TMBIM4: variants seen among roughly 807,000 people sequenced by gnomAD.
The protein encoded by TMBIM4 is protein lifeguard 4.
In TMBIM4, 28 loss-of-function variants were observed where a neutral mutation model predicts 27.7. That is an observed-to-expected ratio of 1.01 (90% CI 0.75 to 1.38). TMBIM4 has a LOEUF of 1.38. TMBIM4 is among the 40% of genes most tolerant of loss of function. The probability of loss-of-function intolerance (pLI) is 0.00; values close to 1 mark genes in which losing one functional copy is unlikely to be tolerated. For missense variants in TMBIM4, 265 were observed against 277.5 expected (o/e 0.95, Z 0.32); for synonymous variants, 115 against 113.1 (o/e 1.02, Z -0.11).
chr12:66,163,395 T>C (rs1005027602), intron 1 of TMBIM4, among the ~76,000 whole-genome samples: 4 of 152,072 alleles, frequency 2.6e-5, no homozygotes, highest in African/African-American at 9.7e-5. Flanking sequence ...GACTGGGTAA[T>C]TTATAAAGGA....
At position 66,169,947 on chromosome 12, in the gene TMBIM4, G is replaced by A. The variant is rs11176070; in HGVS notation, c.5C>T (p.Ala2Val). 1 of 1,496,882 alleles carries A rather than the reference G, an allele frequency of 6.7e-7. No individual in the cohort carries two copies. The highest frequency in any genetic ancestry group is 8.9e-7 in the Non-Finnish European group (1 of 1,124,916). The allele number at this position is 1,496,882 out of a possible 1,614,324, so 92.7% of individuals were successfully genotyped here. A position where few individuals can be genotyped will look rare whatever the true frequency, so the allele number is the denominator to read the frequency against. ...GCGAGGGTACCGGGGGTCGGGGTCA[G>A]CCATGATGGCAACAGCACCCCTACC... Reference protein sequence around the residue: MADPDPRYPRSS... With the variant: MVDPDPRYPRSS... The change falls in exon 1 of 7, where the codon GCT (alanine) becomes GTT (valine). Residue 2 changes from alanine to valine, a missense_variant. Coordinates refer to ENST00000358230, the MANE Select transcript of TMBIM4 (RefSeq NM_016056.4).
chr12:66,160,883 C>T (rs1317154237), intron 1 of TMBIM4, among the ~76,000 whole-genome samples: 4 of 145,782 alleles, frequency 2.7e-5, no homozygotes, highest in Admixed American at 2.1e-4. Flanking sequence ...GGGCGGCGGG[C>T]GGGCAGAGGT....
At chr12:66,160,677 C>T (rs998471127) in intron 1 of TMBIM4, among the ~76,000 whole-genome samples, 2 of 152,192 alleles carry the variant, frequency 1.3e-5, no homozygotes, top group African/African-American at 4.8e-5. Context: ...AAAAAGTAAA[C>T]TTTAATGTCG....
At position 66,157,818 on chromosome 12, in the gene TMBIM4, T is replaced by C. The variant is rs149703784; in HGVS notation, c.98-4370A>G. On this transcript the variant is annotated intron_variant, in intron 1 of 6. Transcript: ENST00000358230. ...CTATGGTAACATCAAAAGTAGAAAA[T>C]GTGCTTAATGAAGTAGGTGAACAAA... 9.5e-4 allele frequency among the ~76,000 whole-genome samples: 145 copies of C among 152,102 alleles called. No individual in the cohort carries two copies. In the Middle Eastern group the frequency reaches 0.014, roughly 14 times the overall value.
chr12:66,137,410 T>G lies in TMBIM4; in HGVS notation c.*550A>C, dbSNP rs904510237. The stretch of plus-strand genomic sequence containing the variant: ...TTTAGGAAGAAAAATTTTTTTTTTT[T>G]TTTTGAGACTGAGTCTCGCTCTGTC... On this transcript the variant is annotated 3_prime_UTR_variant, in exon 7 of 7. Transcript: ENST00000358230. 3 of 152,146 alleles carry G rather than the reference T, an allele frequency of 2.0e-5. No homozygotes were observed. The highest frequency in any genetic ancestry group is 7.2e-5 in the African/African-American group (3 of 41,416). 9.4% of individuals were successfully genotyped at this position (152,146 alleles called of 1,614,324 possible).
intron 3 of TMBIM4, among the ~76,000 whole-genome samples, chr12:66,149,307 G>A (rs1244208529): frequency 6.6e-6 from 1 of 151,820 alleles, no homozygotes; most frequent in East Asian, 1.9e-4. Flanking sequence ...GCCAAGGATG[G>A]TGACATGCGC....
chr12:66,169,458 G>T, intron 1 of TMBIM4: 1 of 509,108 alleles, frequency 2.0e-6, no homozygotes, highest in South Asian at 2.8e-5. Flanking sequence ...TCAGGCCGTG[G>T]ATTCCACTCG....
chr12:66,160,045 G>A, intron 1 of TMBIM4: 1 of 564,984 alleles, frequency 1.8e-6, no homozygotes, highest in Non-Finnish European at 3.2e-6. Context: ...TGTAACTGAA[G>A]TTTTATTGGG....
rs377178099 is a variant in TMBIM4 at position 66,157,828 on chromosome 12, GA to G, written c.98-4381del. Among the ~76,000 whole-genome samples the G allele has an allele frequency of 6.8e-3, 1,034 of 152,332 alleles. 8 individuals carry two copies. The highest frequency in any genetic ancestry group is 0.024 in the African/African-American group (984 of 41,580). The stretch of plus-strand genomic sequence containing the variant: ...ATCAAAAGTAGAAAATGTGCTTAAT[GA>G]AGTAGGTGAACAAACTAAGGAGACT... On this transcript the variant is annotated intron_variant, in intron 1 of 6. Transcript: ENST00000358230.
chr12:66,148,080 C>A, intron 3 of TMBIM4, 139 bp from the exon 4 acceptor site: 1 of 633,266 alleles, frequency 1.6e-6, no homozygotes, highest in Non-Finnish European at 2.7e-6. Context: ...GTATATGGGG[C>A]AGTTAGTAAA....
intron 1 of TMBIM4, among the ~76,000 whole-genome samples, chr12:66,159,503 C>G (rs1333643758): frequency 6.6e-6 from 1 of 152,072 alleles, no homozygotes; most frequent in Non-Finnish European, 1.5e-5. Context: ...CATGAGAGAC[C>G]CTGAGTCAGA....
intron 1 of TMBIM4, among the ~76,000 whole-genome samples, chr12:66,167,233 C>T (rs76419853): frequency 2.0e-5 from 3 of 152,130 alleles, no homozygotes; most frequent in African/African-American, 4.8e-5. Context: ...ACACTAAGAG[C>T]GAACCTTAAC....
chr12:66,145,155 T>C (rs151306917), intron 5 of TMBIM4, among the ~76,000 whole-genome samples: 6 of 152,290 alleles, frequency 3.9e-5, no homozygotes, highest in African/African-American at 1.4e-4. Flanking sequence ...AACTATATTT[T>C]ATCTCAATAG....
At chr12:66,168,290 G>GA (rs1418793007) in intron 1 of TMBIM4, among the ~76,000 whole-genome samples, 1 of 151,218 alleles carries the variant, frequency 6.6e-6, no homozygotes, top group East Asian at 1.9e-4. Context: ...TATGCTAATT[G>GA]AAAAAAGCCA....
chr12:66,140,954 T>C (rs1363908682), intron 5 of TMBIM4, among the ~76,000 whole-genome samples: 1 of 151,970 alleles, frequency 6.6e-6, no homozygotes, highest in Admixed American at 6.6e-5. Flanking sequence ...AGAAACTACA[T>C]AAGTCAGAGG....
At chr12:66,160,000 G>C (rs1436695528) in intron 1 of TMBIM4, among the ~76,000 whole-genome samples, 4 of 152,262 alleles carry the variant, frequency 2.6e-5, no homozygotes, top group Non-Finnish European at 5.9e-5. Context: ...AGCAAAGTAT[G>C]GCCCGTGGGC....
chr12:66,137,953 CTTTTAATTACTTTTTA>C lies in TMBIM4; in HGVS notation c.708_*6del. ...GTTGTTCTTCAGTTGAGCTGAGATA[CTTTTAATTACTTTTTA>C]TTAACTGCTTCCAGAAACCGTAACA... is the stretch of plus-strand genomic sequence containing the variant. On this transcript the variant is annotated stop_lost and 3_prime_UTR_variant, in exon 7 of 7. Transcript: ENST00000358230. 6.2e-7 allele frequency: 1 copy of C among 1,611,298 alleles called. No homozygotes were observed. Among genetic ancestry groups the C allele is most frequent in the Non-Finnish European group, 8.5e-7 (1 of 1,178,982 alleles).
intron 1 of TMBIM4, among the ~76,000 whole-genome samples, chr12:66,156,304 C>T (rs902671520): frequency 2.6e-5 from 4 of 152,182 alleles, no homozygotes; most frequent in Non-Finnish European, 2.9e-5. Context: ...TTGCTGTTCT[C>T]CCAGTGTTCT....
intron 1 of TMBIM4, among the ~76,000 whole-genome samples, chr12:66,161,936 C>G (rs1171072699): frequency 1.3e-5 from 2 of 152,172 alleles, no homozygotes; most frequent in Non-Finnish European, 2.9e-5. Flanking sequence ...AACTATGCCT[C>G]TTTTACGGAT....
Sources: allele counts gnomAD v4.1 joint callset (sites outside exome capture counted in the v4.1 genomes callset), GRCh38; gene constraint gnomAD v4.1.1; transcripts MANE v1.5; gene names NCBI Gene and HGNC (gene_info 2026-07-23, HGNC 2026-07-21).